Variants in KHDC1 observed in about 807,000 individuals in gnomAD.
The protein encoded by KHDC1 is KH domain containing 1.
KHDC1 carries 21 observed loss-of-function variants against 24.7 expected under a neutral mutation model. The observed-to-expected ratio is 0.85, with a 90% CI of 0.60 to 1.23. The LOEUF is 1.23. KHDC1 is among the 50% of genes most tolerant of loss of function. The pLI, the probability that KHDC1 is intolerant of heterozygous loss-of-function variation, is 0.00. For missense variants in KHDC1, 274 were observed against 298.5 expected (o/e 0.92, Z 0.61); for synonymous variants, 98 against 111.7 (o/e 0.88, Z 0.77).
chr6:73,252,925 CAT>C (rs1766807284), intron 2 of KHDC1, among the ~76,000 whole-genome samples: 1 of 152,140 alleles, frequency 6.6e-6, no homozygotes, highest in East Asian at 1.9e-4. Flanking sequence ...TTTATAAACA[CAT>C]ATTGAATTTT....
intron 2 of KHDC1, among the ~76,000 whole-genome samples, chr6:73,244,761 C>G (rs920699801): frequency 1.3e-5 from 2 of 151,808 alleles, no homozygotes; most frequent in African/African-American, 4.8e-5. Context: ...AGGAAGACTT[C>G]ATCTTTACTA....
intron 1 of KHDC1, among the ~76,000 whole-genome samples, chr6:73,305,808 C>T (rs774891644): frequency 5.3e-5 from 8 of 151,960 alleles, no homozygotes; most frequent in Admixed American, 1.3e-4. Context: ...TACAGGAGCC[C>T]GCCACCACAC....
intron 2 of KHDC1, among the ~76,000 whole-genome samples, chr6:73,266,132 G>A (rs545985950): frequency 3.9e-5 from 6 of 152,284 alleles, no homozygotes; most frequent in African/African-American, 1.4e-4. Context: ...TAGAAGCAAA[G>A]GAGTGGATGA....
At chr6:73,284,166 A>T (rs936650835) in intron 2 of KHDC1, among the ~76,000 whole-genome samples, 1 of 152,148 alleles carries the variant, frequency 6.6e-6, no homozygotes, top group Non-Finnish European at 1.5e-5. Context: ...AACCCACAAT[A>T]TTAGGATTAT....
At chr6:73,291,156 T>C (rs1767644113) in intron 2 of KHDC1, 1 of 499,448 alleles carries the variant, frequency 2.0e-6, no homozygotes, top group East Asian at 5.6e-5. Flanking sequence ...TCTGTGCCTA[T>C]TCAGCAGTTC....
rs115253533 is a variant in KHDC1, at chr6:73,267,825, G to A, written c.206+24173C>T. The stretch of plus-strand genomic sequence containing the variant: ...ACAAAATATGATTTAGACATACAAC[G>A]GAATATTATTCAGCCTTTTTTTTTT... On this transcript the variant is annotated intron_variant, in intron 2 of 4. Coordinates refer to ENST00000370384, the Ensembl canonical transcript of KHDC1. Among the ~76,000 whole-genome samples, 385 of 149,448 alleles carry A rather than the reference G, an allele frequency of 2.6e-3. 3 individuals carry two copies. The highest frequency in any genetic ancestry group is 7.9e-3 in the African/African-American group (317 of 39,884).
intron 2 of KHDC1, among the ~76,000 whole-genome samples, chr6:73,283,339 T>TAAGA (rs2150685507): frequency 6.6e-6 from 1 of 151,816 alleles, no homozygotes; most frequent in Admixed American, 6.6e-5. Context: ...TTTTTTTTTT[T>TAAGA]AAAAAGAAGC....
chr6:73,254,295 T>C (rs1222917699), intron 2 of KHDC1, among the ~76,000 whole-genome samples: 5 of 151,750 alleles, frequency 3.3e-5, no homozygotes, highest in African/African-American at 7.3e-5. Flanking sequence ...ACCCCATCTC[T>C]ACTAAAAATA....
chr6:73,242,140 A>G (rs1766583350), exon 4 of KHDC1: 3 of 1,614,182 alleles, frequency 1.9e-6, no homozygotes, highest in Non-Finnish European at 8.5e-7. Flanking sequence ...GTCCGACTAC[A>G]GTCACACGAG....
chr6:73,285,410 C>T (rs566311489), intron 2 of KHDC1, among the ~76,000 whole-genome samples: 410 of 151,930 alleles, frequency 2.7e-3, no homozygotes, highest in African/African-American at 9.0e-3. Context: ...CAGCTCACTG[C>T]AACCTCTGCC....
At chr6:73,294,582 T>C (rs1235757534) in intron 1 of KHDC1, among the ~76,000 whole-genome samples, 1 of 152,208 alleles carries the variant, frequency 6.6e-6, no homozygotes, top group African/African-American at 2.4e-5. Context: ...TAAAATTAAA[T>C]AATTGTTTCC....
At chr6:73,295,176 C>T (rs1767735445) in intron 1 of KHDC1, among the ~76,000 whole-genome samples, 1 of 151,938 alleles carries the variant, frequency 6.6e-6, no homozygotes, top group Non-Finnish European at 1.5e-5. Flanking sequence ...TAACAAAAAG[C>T]TGTTGACACC....
At chr6:73,248,556 G>A (rs1766717591) in intron 2 of KHDC1, among the ~76,000 whole-genome samples, 1 of 152,128 alleles carries the variant, frequency 6.6e-6, no homozygotes, top group Non-Finnish European at 1.5e-5. Context: ...GGAAAAATAA[G>A]ATAGAATATA....
chr6:73,244,699 G>C (rs1156535527), intron 2 of KHDC1, among the ~76,000 whole-genome samples: 1 of 140,048 alleles, frequency 7.1e-6, no homozygotes, highest in African/African-American at 2.6e-5. Context: ...GTGGGCGGGG[G>C]GGCGGGGGGG....
chr6:73,275,422 A>C (rs1278134561), intron 2 of KHDC1: 1 of 167,054 alleles, frequency 6.0e-6, no homozygotes, highest in Non-Finnish European at 1.5e-5. Context: ...GCCTGGTTGC[A>C]ACCCTGTGCG....
intron 2 of KHDC1, among the ~76,000 whole-genome samples, chr6:73,245,890 A>C (rs139104749): frequency 6.6e-6 from 1 of 152,308 alleles, no homozygotes; most frequent in African/African-American, 2.4e-5. Context: ...AGATAAGCAG[A>C]CAATGGCTAG....
chr6:73,304,067 T>G (rs1406754784), intron 1 of KHDC1, among the ~76,000 whole-genome samples: 1 of 151,944 alleles, frequency 6.6e-6, no homozygotes, highest in African/African-American at 2.4e-5. Context: ...TAATCCCAGC[T>G]GCTCGGGAGG....
In KHDC1 at chr6:73,244,661, G is replaced by A. The variant is rs999710158; in HGVS notation, c.207-2131C>T. ...TCATGCCTGTAATCCCAGCACTTTG[G>A]GAGGCCAAGGCAGGGGGTTTGGGGG... On this transcript the variant is annotated intron_variant, in intron 2 of 4. Coordinates refer to ENST00000370384, the Ensembl canonical transcript of KHDC1. Among the ~76,000 whole-genome samples, 11 of 147,278 alleles carry A rather than the reference G, an allele frequency of 7.5e-5. No homozygotes were observed. In the South Asian group the frequency reaches 2.4e-3, roughly 33 times the overall value.
intron 1 of KHDC1, among the ~76,000 whole-genome samples, chr6:73,307,249 G>A (rs1161670859): frequency 2.6e-5 from 4 of 151,934 alleles, no homozygotes; most frequent in African/African-American, 9.7e-5. Flanking sequence ...ACAAGATGGT[G>A]AAACCCCGTC....
Sources: allele counts gnomAD v4.1 joint callset (sites outside exome capture counted in the v4.1 genomes callset), GRCh38; gene constraint gnomAD v4.1.1; transcripts MANE v1.5; gene names NCBI Gene and HGNC (gene_info 2026-07-23, HGNC 2026-07-21).